Variants in PFKL observed in about 807,000 individuals in gnomAD.
The protein encoded by PFKL is ATP-dependent 6-phosphofructokinase, liver type.
A neutral mutation model predicts 92.1 loss-of-function variants in PFKL; 74 were observed. That is an observed-to-expected ratio of 0.80 (90% confidence interval 0.67 to 0.97). PFKL has a LOEUF of 0.97. Among genes scored for constraint, PFKL ranks in the 50% least tolerant of loss-of-function variants. PFKL has a pLI of 0.00. For missense variants in PFKL, 1,028 were observed against 1,116.6 expected (o/e 0.92, Z 1.13); for synonymous variants, 494 against 456.4 (o/e 1.08, Z -1.05).
Position 44,320,088 on chromosome 21 carries a change from T to C in PFKL, c.1132T>C (p.Phe378Leu). The C allele has an allele frequency of 6.2e-7, 1 of 1,613,358 alleles. No individual in the cohort carries two copies. Among genetic ancestry groups the C allele is most frequent in the Non-Finnish European group, 8.5e-7 (1 of 1,179,738 alleles). The change falls in exon 12 of 22, where the codon TTC becomes CTC. Residue 378 changes from phenylalanine to leucine, a missense_variant. Physicochemically the swap from Phe to Leu is conservative, Grantham distance 22. Coordinates refer to ENST00000349048, the MANE Select transcript of PFKL (RefSeq NM_002626.6). ...DEATQLRGGSFENNWNIYKLL... is the reference protein window; with the variant it reads ...DEATQLRGGSLENNWNIYKLL... ...TGTGACCCGAATCCCTTCCAGGAGCTTCGAGAACAACTGGAACATTTACAA... is the reference window on the plus strand; with the variant it reads ...TGTGACCCGAATCCCTTCCAGGAGCCTCGAGAACAACTGGAACATTTACAA...
At chr21:44,318,396 A>G in intron 9 of PFKL, 74 bp from the exon 10 acceptor site, 1 of 1,361,682 alleles carries the variant, frequency 7.3e-7, no homozygotes, top group Non-Finnish European at 9.6e-7. Context: ...GGGTTTGCAC[A>G]TCTACAGAGG....
chr21:44,314,288 G>T (rs1354505297), intron 7 of PFKL: 1 of 482,462 alleles, frequency 2.1e-6, no homozygotes, highest in South Asian at 2.7e-5. Flanking sequence ...CGTGGTCAGT[G>T]TGGGGAGCTT....
At chr21:44,322,731 G>T (rs765873061) in intron 14 of PFKL, among the ~76,000 whole-genome samples, 20 of 152,210 alleles carry the variant, frequency 1.3e-4, no homozygotes, top group Non-Finnish European at 2.9e-4. Context: ...GGGGTGGGGG[G>T]TTCACTCGGT....
At chr21:44,325,059 C>A in intron 18 of PFKL, 94 bp from the exon 19 acceptor site, 1 of 1,171,906 alleles carries the variant, frequency 8.5e-7, no homozygotes, top group Non-Finnish European at 1.3e-6. Context: ...TGGGAGCTGC[C>A]ACTCCCTCTC....
chr21:44,308,368 C>A (rs577987117), intron 2 of PFKL, among the ~76,000 whole-genome samples: 1 of 152,028 alleles, frequency 6.6e-6, no homozygotes, highest in Non-Finnish European at 1.5e-5. Flanking sequence ...TCTGATATAG[C>A]GGCCCAGGGA....
chr21:44,304,328 G>A lies in PFKL; in HGVS notation c.86-2353G>A, dbSNP rs952717147. The A allele has an allele frequency of 5.4e-6, 7 of 1,288,324 alleles. No homozygotes were observed. In the African/African-American group the frequency reaches 1.1e-4, roughly 20 times the overall value. 79.8% of individuals were successfully genotyped at this position (1,288,324 alleles called of 1,614,324 possible). A position where few individuals can be genotyped will look rare whatever the true frequency, so the allele number is the denominator to read the frequency against. On this transcript the variant is annotated intron_variant, in intron 1 of 21. Transcript: ENST00000349048. ...GCTGAGATGGCTGTGACCCTGGGCT[G>A]ACCCGCCCAGTGGCACATTGACTCC... is the stretch of plus-strand genomic sequence containing the variant.
At position 44,324,608 on chromosome 21, in the gene PFKL, G is replaced by A. The variant is rs781643399; in HGVS notation, c.1768G>A (p.Asp590Asn). Residue 590 changes from aspartate to asparagine, a missense_variant, in exon 17 of 22, where the codon GAC becomes AAC. Asp to Asn is a conservative substitution (Grantham distance 23). Coordinates refer to ENST00000349048, the MANE Select transcript of PFKL (RefSeq NM_002626.6). ...CGTGACTGGCATTGCTGTGGGGGCC[G>A]ACGCCGCCTACGTCTTCGAGGACCC... The part of the protein sequence containing the change: ...ATVTGIAVGA[D>N]AAYVFEDPFN... 9 of 1,611,466 alleles carry A rather than the reference G, an allele frequency of 5.6e-6. No individual in the cohort carries two copies. The highest frequency in any genetic ancestry group is 3.3e-5 in the Admixed American group (2 of 59,792).
intron 10 of PFKL, 53 bp from the exon 11 acceptor site, chr21:44,319,298 T>G: frequency 1.4e-6 from 2 of 1,476,406 alleles, no homozygotes; most frequent in Non-Finnish European, 1.9e-6. Flanking sequence ...GCAGTAGCCA[T>G]GGGTGTGCGG....
chr21:44,312,248 C>T lies in PFKL; in HGVS notation c.381C>T (p.Ile127=). The part of the protein sequence containing the change: ...GGDGSLTGAN[I]FRSEWGSLLE... ...ATGGCAGCCTCACAGGTGCCAACAT[C>T]TTCCGCAGCGAGTGGGGCAGCCTGC... Residue 127 remains isoleucine (I), a synonymous_variant, in exon 4 of 22, where the codon ATC becomes ATT. Transcript: ENST00000349048. 3.8e-6 allele frequency: 6 copies of T among 1,599,348 alleles called. No homozygotes were observed. The highest frequency in any genetic ancestry group is 5.1e-6 in the Non-Finnish European group (6 of 1,173,888).
intron 9 of PFKL, among the ~76,000 whole-genome samples, chr21:44,317,634 C>T (rs987123668): frequency 1.3e-5 from 2 of 152,222 alleles, no homozygotes; most frequent in Non-Finnish European, 2.9e-5. Context: ...CCCCTAGCCG[C>T]GGCTGTCACC....
Position 44,300,055 on chromosome 21 carries a change from C to A in PFKL, c.-51C>A. 5.6e-6 allele frequency: 5 copies of A among 900,590 alleles called. No homozygotes were observed. Among genetic ancestry groups the A allele is most frequent in the Non-Finnish European group, 6.7e-6 (5 of 749,070 alleles). The allele number at this position is 900,590 out of a possible 1,614,324, so 55.8% of individuals were successfully genotyped here. ...GCGCGGGGCGGGGCGGGGACGGCGA[C>A]GCGGCGCAGGCGGCGGGAGTGCGAG... is the stretch of plus-strand genomic sequence containing the variant. On this transcript the variant is annotated 5_prime_UTR_variant, in exon 1 of 22. Coordinates refer to ENST00000349048, the MANE Select transcript of PFKL (RefSeq NM_002626.6).
chr21:44,314,142 AGGTGCCCCTT>A, intron 7 of PFKL, 121 bp downstream of exon 7: 1 of 709,972 alleles, frequency 1.4e-6, no homozygotes. Context: ...CAGCAGCTGC[AGGTGCCCCTT>A]GGGGGCGGGA....
Position 44,327,179 on chromosome 21 carries a change from C to T in PFKL, c.*317C>T, listed in dbSNP as rs1013245909. 3 of 423,964 alleles carry T rather than the reference C, an allele frequency of 7.1e-6. No individual in the cohort carries two copies. The highest frequency in any genetic ancestry group is 7.0e-5 in the Admixed American group (2 of 28,690). The allele number at this position is 423,964 out of a possible 1,614,324, so 26.3% of individuals were successfully genotyped here. On this transcript the variant is annotated 3_prime_UTR_variant, in exon 22 of 22. Coordinates refer to ENST00000349048, the MANE Select transcript of PFKL (RefSeq NM_002626.6). ...TTGGCGCCCCATGGGCCCTCAGCGT[C>T]TCCCCATGCTGGGCTCACTACATGG...
chr21:44,300,272 C>CCCGGGA (rs2146400492), intron 1 of PFKL, 82 bp downstream of exon 1: 2 of 619,078 alleles, frequency 3.2e-6, no homozygotes, highest in South Asian at 1.4e-4. Flanking sequence ...CCCGCCGAGC[C>CCCGGGA]CCGGGACCCG....
chr21:44,324,431 C>T (rs746696761), intron 16 of PFKL, 60 bp from the exon 17 acceptor site: 55 of 1,572,204 alleles, frequency 3.5e-5, no homozygotes, highest in East Asian at 6.7e-5. Context: ...GTAGCCATGC[C>T]GACGGCCTAC....
rs778200077 is a variant in PFKL, at chr21:44,321,832, T to C, written c.1295T>C (p.Val432Ala). 2.5e-6 allele frequency: 4 copies of C among 1,589,066 alleles called. No individual in the cohort carries two copies. In the African/African-American group the frequency reaches 4.1e-5, roughly 16 times the overall value. ...ACCGGCATCTCCCATGGACACACAG[T>C]ATACGTGGTGCACGATGGCTTCGAA... is the stretch of plus-strand genomic sequence containing the variant. ...VRTGISHGHT[V>A]YVVHDGFEGL... The change falls in exon 13 of 22, where the codon GTA (valine) becomes GCA (alanine). Residue 432 changes from valine to alanine, a missense_variant. By Grantham distance (64) the Val-to-Ala change is moderately conservative (BLOSUM62 0). Transcript: ENST00000349048.
chr21:44,326,601 C>T lies in PFKL; in HGVS notation c.2196-114C>T, dbSNP rs536475542. On this transcript the variant is annotated intron_variant, in intron 21 of 21. Coordinates refer to ENST00000349048, the MANE Select transcript of PFKL (RefSeq NM_002626.6). ...CTCCACGGATACCGAGATGTTCAGA[C>T]AGAGGGGCATGCACAGGCTGCAGGG... The T allele has an allele frequency of 2.4e-6, 3 of 1,268,606 alleles. No individual in the cohort carries two copies. The South Asian group carries it at 4.3e-5, about 18-fold the overall frequency. The allele number at this position is 1,268,606 out of a possible 1,614,324, so 78.6% of individuals were successfully genotyped here. A position where few individuals can be genotyped will look rare whatever the true frequency, so the allele number is the denominator to read the frequency against.
intron 7 of PFKL, 123 bp downstream of exon 7, chr21:44,314,144 G>C (rs994078411): frequency 1.3e-5 from 9 of 703,592 alleles, no homozygotes; most frequent in Non-Finnish European, 1.9e-5. Flanking sequence ...GCAGCTGCAG[G>C]TGCCCCTTGG....
At chr21:44,318,952 C>T (rs935519233) in intron 10 of PFKL, among the ~76,000 whole-genome samples, 2 of 152,016 alleles carry the variant, frequency 1.3e-5, no homozygotes, top group Non-Finnish European at 2.9e-5. Context: ...GGGAGGAGCT[C>T]AGGCAGGTGA....
Sources: allele counts gnomAD v4.1 joint callset (sites outside exome capture counted in the v4.1 genomes callset), GRCh38; gene constraint gnomAD v4.1.1; transcripts MANE v1.5; gene names NCBI Gene and HGNC (gene_info 2026-07-23, HGNC 2026-07-21).